The following GRIPAP1 variants were observed in gnomAD, a reference collection of about 807,000 sequenced individuals.
The protein encoded by GRIPAP1 is GRIP1-associated protein 1.
GRIPAP1 carries 14 observed loss-of-function variants against 84.1 expected under a neutral mutation model. That is an observed-to-expected ratio of 0.17 (90% CI 0.11 to 0.26). The LOEUF is 0.26. Ranked by LOEUF, GRIPAP1 falls within the 10% of genes least tolerant of loss-of-function variation. The pLI is 1.00. For synonymous variants in GRIPAP1, 261 were observed against 256.8 expected (o/e 1.02, Z -0.15); for missense variants, 518 against 674.2 (o/e 0.77, Z 2.57).
intron 14 of GRIPAP1, 95 bp from the exon 15 acceptor site, chrX:48,983,965 G>A: frequency 1.8e-6 from 1 of 559,263 alleles, no homozygotes; most frequent in South Asian, 2.5e-5. Context: ...CCTTCTCCCT[G>A]GTAAAGTTGG....
At chrX:48,982,708 TAA>T (rs2064464441) in intron 17 of GRIPAP1, among the ~76,000 whole-genome samples, 1 of 112,547 alleles carries the variant, frequency 8.9e-6, no homozygotes, top group South Asian at 3.7e-4. Context: ...TGTATTGCAT[TAA>T]TTTCCTGACA....
intron 13 of GRIPAP1, among the ~76,000 whole-genome samples, chrX:48,987,106 C>A (rs1557064035): frequency 9.3e-6 from 1 of 107,802 alleles, no homozygotes. Flanking sequence ...CCTCGGCCTC[C>A]CAAAGTGCTA....
At chrX:48,999,135 A>G in intron 3 of GRIPAP1, 103 bp downstream of exon 3, 1 of 528,756 alleles carries the variant, frequency 1.9e-6, no homozygotes, top group Non-Finnish European at 3.2e-6. Flanking sequence ...AGCATGCAAC[A>G]TTAGGTCTGG....
chrX:48,975,783 G>A, intron 24 of GRIPAP1: 1 of 410,729 alleles, frequency 2.4e-6, no homozygotes, highest in Non-Finnish European at 4.2e-6. Flanking sequence ...AAAGGAGAAA[G>A]TGGACAGAGA....
intron 5 of GRIPAP1, among the ~76,000 whole-genome samples, chrX:48,995,798 C>T (rs1282158426): frequency 2.7e-5 from 3 of 110,322 alleles, no homozygotes; most frequent in Non-Finnish European, 5.7e-5. Flanking sequence ...GGTTTTACCA[C>T]GTTAGCCAGG....
rs782192142 is a variant in GRIPAP1, at chrX:48,976,216, G to GGGCAGGCA, written c.2184+17_2184+24dup. 11 of 1,176,578 alleles carry GGGCAGGCA rather than the reference G, an allele frequency of 9.3e-6. No individual in the cohort carries two copies. The South Asian group carries it at 1.7e-4, about 18-fold the overall frequency. ...CCACAAGGGCACTTCAAGTGGGGAT[G>GGGCAGGCA]GGCAGGCAGGCAGGCAGGCAGCACC... On this transcript the variant is annotated intron_variant, in intron 23 of 25. Transcript: ENST00000376423.
At chrX:48,979,369 T>C (rs1421493746) in intron 21 of GRIPAP1, among the ~76,000 whole-genome samples, 3 of 98,241 alleles carry the variant, frequency 3.1e-5, no homozygotes, top group Non-Finnish European at 4.1e-5. Flanking sequence ...CCCAGCTACT[T>C]GGGAGGCTGA....
At chrX:48,980,080 G>A (rs923243301) in intron 21 of GRIPAP1, among the ~76,000 whole-genome samples, 14 of 111,314 alleles carry the variant, frequency 1.3e-4, no homozygotes, top group South Asian at 7.4e-4. Context: ...GTGGGGATCC[G>A]TAGGTATCCC....
intron 5 of GRIPAP1, among the ~76,000 whole-genome samples, chrX:48,996,519 T>A (rs2064547819): frequency 8.9e-6 from 1 of 112,151 alleles, no homozygotes; most frequent in Non-Finnish European, 1.9e-5. Context: ...GGCATATGCC[T>A]GTACTTCCAG....
chrX:48,986,609 G>A (rs1255572190), intron 13 of GRIPAP1, among the ~76,000 whole-genome samples: 1 of 109,528 alleles, frequency 9.1e-6, no homozygotes, highest in Non-Finnish European at 1.9e-5. Context: ...TGGCCAGGCT[G>A]GTCTCGAACT....
intron 4 of GRIPAP1, 62 bp downstream of exon 4, chrX:48,998,092 C>A: frequency 1.2e-6 from 1 of 833,466 alleles, no homozygotes; most frequent in South Asian, 2.0e-5. Flanking sequence ...GAAATATCAG[C>A]ATACAGAAAT....
At position 49,001,269 on chromosome X, in the gene GRIPAP1, G is replaced by C. The variant is rs141498938; in HGVS notation, c.42+919C>G. On this transcript the variant is annotated intron_variant, in intron 1 of 25. Transcript: ENST00000376423. Reference sequence around the variant, plus strand: ...CCATTCTCAGTGTCCCTCACACAGGGACAGCTGGTTTCCCTCATTCAAGGA... The same window carrying C: ...CCATTCTCAGTGTCCCTCACACAGGCACAGCTGGTTTCCCTCATTCAAGGA... Among the ~76,000 whole-genome samples the C allele has an allele frequency of 3.1e-3, 339 of 110,061 alleles. 1 individual carries two copies. Among genetic ancestry groups the C allele is most frequent in the Admixed American group, 0.021 (216 of 10,438 alleles).
rs1238465533 is a variant in GRIPAP1, at chrX:49,002,169, T to C, written c.42+19A>G. ...CCCCGGTCGCCTAGCCGGGTGGTCT[T>C]TCCCACCGCGAGCGGCACCTGCATC... is the stretch of plus-strand genomic sequence containing the variant. On this transcript the variant is annotated intron_variant, in intron 1 of 25. Transcript: ENST00000376423. 2 of 1,142,157 alleles carry C rather than the reference T, an allele frequency of 1.8e-6. No individual in the cohort carries two copies. The highest frequency in any genetic ancestry group is 4.6e-5 in the Admixed American group (2 of 43,851). 94.1% of individuals were successfully genotyped at this position (1,142,157 alleles called of 1,213,427 possible).
At chrX:48,995,215 A>G (rs1557066493) in intron 5 of GRIPAP1, among the ~76,000 whole-genome samples, 2 of 112,145 alleles carry the variant, frequency 1.8e-5, no homozygotes, top group Non-Finnish European at 3.8e-5. Context: ...GGGACTATGT[A>G]GGAAGTCTCT....
rs782435364 is a variant in GRIPAP1, at chrX:48,978,455, G to T, written c.1931-20C>A. 2 of 1,178,570 alleles carry T rather than the reference G, an allele frequency of 1.7e-6. No homozygotes were observed. ...CAAGGCCTGGGTGGTGGAGGGAAGAGAAACTTGAGCCCCAATACCCCTGAG... is the reference window on the plus strand; with the variant it reads ...CAAGGCCTGGGTGGTGGAGGGAAGATAAACTTGAGCCCCAATACCCCTGAG... On this transcript the variant is annotated intron_variant, in intron 21 of 25. Coordinates refer to ENST00000376423, the MANE Select transcript of GRIPAP1 (RefSeq NM_020137.5).
intron 6 of GRIPAP1, among the ~76,000 whole-genome samples, chrX:48,992,057 G>A (rs2064523480): frequency 1.8e-5 from 2 of 111,401 alleles, no homozygotes; most frequent in South Asian, 3.8e-4. Flanking sequence ...CCAGGCTGGA[G>A]TACAGTGGTG....
Position 48,990,952 on chromosome X carries a change from G to A in GRIPAP1, c.616C>T (p.Leu206Phe). ...WEMEKEEKRL[L>F]WEQLQGLESS... Reference sequence around the variant, plus strand: ...TCTAAGCCTTGCAGCTGTTCCCAGAGCAATCTCTTCTCCTCTTTCTCCATT... The same window carrying A: ...TCTAAGCCTTGCAGCTGTTCCCAGAACAATCTCTTCTCCTCTTTCTCCATT... Residue 206 changes from leucine (L) to phenylalanine (F), a missense_variant, in exon 7 of 26, where the codon CTC becomes TTC. Physicochemically the swap from Leu to Phe is conservative, Grantham distance 22. This residue lies in a region of GRIPAP1 where 372 missense variants were observed against 458.1 expected (regional missense o/e 0.81). Coordinates refer to ENST00000376423, the MANE Select transcript of GRIPAP1 (RefSeq NM_020137.5). 8.6e-7 allele frequency: 1 copy of A among 1,168,219 alleles called. No homozygotes were observed. Among genetic ancestry groups the A allele is most frequent in the Non-Finnish European group, 1.1e-6 (1 of 874,165 alleles).
chrX:48,990,465 A>G (rs782706793), intron 8 of GRIPAP1, among the ~76,000 whole-genome samples: 49 of 112,361 alleles, frequency 4.4e-4, no homozygotes, highest in East Asian at 8.4e-4. Flanking sequence ...TGAGAGATGG[A>G]TGGGATGAAA....
rs3027475 is a variant in GRIPAP1 at position 48,982,033 on chromosome X, A to C, written c.1600-161T>G. Among the ~76,000 whole-genome samples, 999 of 112,662 alleles carry C rather than the reference A, an allele frequency of 8.9e-3. 54 individuals are homozygous for C. The East Asian group carries it at 0.22, about 25-fold the overall frequency. On this transcript the variant is annotated intron_variant, in intron 17 of 25. Coordinates refer to ENST00000376423, the MANE Select transcript of GRIPAP1 (RefSeq NM_020137.5). ...CAATATGCTGAAGTGTCACATCTAA[A>C]GTTGCACCATTCGCATGGTTGACTT... is the stretch of plus-strand genomic sequence containing the variant.
Sources: gnomAD v4.1 joint callset for allele counts (sites outside exome capture counted in the v4.1 genomes callset) on GRCh38, gnomAD v4.1.1 for gene constraint, gnomAD v4.1.1 regional missense constraint, MANE v1.5 for transcripts, NCBI Gene and HGNC (gene_info 2026-07-23, HGNC 2026-07-21) for gene names.